NRXN1: variants seen among roughly 807,000 people sequenced by gnomAD.
NRXN1 encodes neurexin 1, also known as neurexin-1.
In NRXN1, 39 loss-of-function variants were observed where a neutral mutation model predicts 150.9. The ratio of observed to expected loss-of-function variants is 0.26; its 90% CI spans 0.20 to 0.34. The LOEUF is 0.34. Ranked by LOEUF, NRXN1 falls within the 10% of genes least tolerant of loss-of-function variation. The pLI is 1.00. For synonymous variants in NRXN1, 924 were observed against 757.0 expected, an observed-to-expected ratio of 1.22 and a Z score of -3.62; for missense variants, 1,815 against 1,949.9, an observed-to-expected ratio of 0.93 and a Z score of 1.30.
intron 5 of NRXN1, among the ~76,000 whole-genome samples, chr2:50,727,240 T>G (rs529419143): frequency 3.9e-5 from 6 of 152,354 alleles, no homozygotes; most frequent in African/African-American, 1.4e-4. Context: ...GCAAAACTGC[T>G]ACTTATGAAG....
At chr2:49,961,838 A>G (rs961635966) in intron 21 of NRXN1, among the ~76,000 whole-genome samples, 4 of 152,234 alleles carry the variant, frequency 2.6e-5, no homozygotes, top group African/African-American at 4.8e-5. Flanking sequence ...ATCAAATTAT[A>G]TGGTGTGACA....
chr2:50,913,714 T>C (rs1684837341), intron 5 of NRXN1, among the ~76,000 whole-genome samples: 1 of 151,784 alleles, frequency 6.6e-6, no homozygotes, highest in African/African-American at 2.4e-5. Flanking sequence ...GCTGCTCCTA[T>C]TGTGAATGGA....
chr2:49,971,161 A>T (rs1677886102), intron 21 of NRXN1, among the ~76,000 whole-genome samples: 1 of 152,148 alleles, frequency 6.6e-6, no homozygotes, highest in African/African-American at 2.4e-5. Flanking sequence ...AAAACTAAAA[A>T]GTGTCAGCTA....
intron 21 of NRXN1, among the ~76,000 whole-genome samples, chr2:50,046,504 A>T (rs1440239426): frequency 6.6e-6 from 1 of 152,200 alleles, no homozygotes; most frequent in Admixed American, 6.5e-5. Context: ...TGACTTTCAG[A>T]TGTATGGTGC....
intron 17 of NRXN1, among the ~76,000 whole-genome samples, chr2:50,326,921 CA>C (rs1345679566): frequency 1.3e-5 from 2 of 151,868 alleles, no homozygotes; most frequent in Non-Finnish European, 2.9e-5. Flanking sequence ...TAAGTGTAAA[CA>C]AAAAAACAGA....
At chr2:50,645,919 T>TTCG (rs766861571) in intron 5 of NRXN1, among the ~76,000 whole-genome samples, 5 of 151,956 alleles carry the variant, frequency 3.3e-5, no homozygotes. Flanking sequence ...TTCAATTACA[T>TTCG]TCGTTTAAAG....
At chr2:50,318,490 T>C (rs1226391686) in intron 17 of NRXN1, among the ~76,000 whole-genome samples, 1 of 151,980 alleles carries the variant, frequency 6.6e-6, no homozygotes, top group Non-Finnish European at 1.5e-5. Flanking sequence ...TGAAACAGGG[T>C]TCAAGGAGCA....
Position 50,053,598 on chromosome 2 carries a change from A to C in NRXN1, c.3809-8T>G. ...AGATTGTGAGCTGACGCCCTGTAAA[A>C]ATAATATTACATACATGCAAAAATG... On this transcript the variant is annotated splice_polypyrimidine_tract_variant and splice_region_variant and intron_variant, in intron 20 of 22. Transcript: ENST00000401669. The C allele has an allele frequency of 6.2e-7, 1 of 1,613,702 alleles. No homozygotes were observed. Among genetic ancestry groups the C allele is most frequent in the Non-Finnish European group, 8.5e-7 (1 of 1,179,754 alleles).
At chr2:50,896,691 A>G (rs999971066) in intron 5 of NRXN1, among the ~76,000 whole-genome samples, 1 of 152,140 alleles carries the variant, frequency 6.6e-6, no homozygotes, top group Non-Finnish European at 1.5e-5. Flanking sequence ...TACTAAAAAT[A>G]CAAAATTAGC....
At chr2:50,953,131 C>T (rs1470959286) in intron 2 of NRXN1, among the ~76,000 whole-genome samples, 1 of 152,150 alleles carries the variant, frequency 6.6e-6, no homozygotes, top group Non-Finnish European at 1.5e-5. Context: ...ATTTCCACTT[C>T]CTGATGGAAT....
intron 2 of NRXN1, among the ~76,000 whole-genome samples, chr2:50,942,644 C>T (rs1020367026): frequency 4.6e-5 from 7 of 152,108 alleles, no homozygotes; most frequent in South Asian, 4.1e-4. Context: ...GGCCTGTAGC[C>T]CCTTTGTTTG....
chr2:50,644,876 G>GGATATATAAATAAAAAATA (rs1559066941), intron 5 of NRXN1, among the ~76,000 whole-genome samples: 2,565 of 149,108 alleles, frequency 0.017, 65 homozygotes, highest in African/African-American at 0.059. Context: ...AATAAAAAAT[G>GGATATATAAATAAAAAATA]TATTTATATT....
chr2:50,460,680 T>C (rs1428017550), intron 17 of NRXN1, among the ~76,000 whole-genome samples: 1 of 152,118 alleles, frequency 6.6e-6, no homozygotes, highest in Admixed American at 6.6e-5. Context: ...TATGCTTTAT[T>C]TTCTGTCCTT....
At chr2:50,073,826 TAC>T (rs1271201860) in intron 19 of NRXN1, among the ~76,000 whole-genome samples, 2 of 152,164 alleles carry the variant, frequency 1.3e-5, no homozygotes, top group Non-Finnish European at 2.9e-5. Context: ...TATAAGCTCT[TAC>T]ACATAAATGA....
chr2:50,642,933 G>T (rs1453375101), intron 5 of NRXN1, among the ~76,000 whole-genome samples: 3 of 151,856 alleles, frequency 2.0e-5, no homozygotes, highest in Non-Finnish European at 2.9e-5. Flanking sequence ...TTCACTCAAG[G>T]AAACTAAGTT....
intron 15 of NRXN1, among the ~76,000 whole-genome samples, chr2:50,489,700 C>A (rs182935553): frequency 1.3e-5 from 2 of 152,200 alleles, no homozygotes; most frequent in East Asian, 1.9e-4. Context: ...TAAATATAGA[C>A]AACCCATGGT....
intron 17 of NRXN1, among the ~76,000 whole-genome samples, chr2:50,407,598 G>A (rs2082842271): frequency 6.6e-6 from 1 of 152,054 alleles, no homozygotes; most frequent in South Asian, 2.1e-4. Flanking sequence ...TCATGGATGT[G>A]TTAATCCATC....
intron 5 of NRXN1, chr2:50,898,750 T>C: frequency 3.3e-6 from 1 of 301,700 alleles, no homozygotes; most frequent in Non-Finnish European, 6.5e-6. Context: ...TGAAAATACA[T>C]TTAAATAAGT....
At chr2:50,052,982 G>C (rs1398541762) in intron 21 of NRXN1, among the ~76,000 whole-genome samples, 2 of 152,058 alleles carry the variant, frequency 1.3e-5, no homozygotes, top group Non-Finnish European at 2.9e-5. Flanking sequence ...TATGTAATTA[G>C]CAGACGATCT....
Sources: gnomAD v4.1 joint callset for allele counts (sites outside exome capture counted in the v4.1 genomes callset) on GRCh38, gnomAD v4.1.1 for gene constraint, MANE v1.5 for transcripts, NCBI Gene and HGNC (gene_info 2026-07-23, HGNC 2026-07-21) for gene names.